The following INPP4B variants were observed in gnomAD, a reference collection of about 807,000 sequenced individuals.
INPP4B encodes inositol polyphosphate-4-phosphatase type II B, also known as inositol polyphosphate 4-phosphatase type II.
Under a neutral mutation model 122.5 loss-of-function variants are expected in INPP4B, and 55 were observed. The observed-to-expected ratio is 0.45, with a 90% CI of 0.36 to 0.56. The LOEUF (loss-of-function observed/expected upper bound fraction) is 0.56. Among genes scored for constraint, INPP4B ranks in the 20% least tolerant of loss-of-function variants. The pLI is 0.00. For missense variants in INPP4B, 1,000 were observed against 1,097.7 expected, an observed-to-expected ratio of 0.91 and a Z score of 1.26; for synonymous variants, 403 against 388.7, an observed-to-expected ratio of 1.04 and a Z score of -0.43.
intron 3 of INPP4B, among the ~76,000 whole-genome samples, chr4:142,447,155 T>TCA (rs1426449508): frequency 6.6e-6 from 1 of 152,086 alleles, no homozygotes; most frequent in African/African-American, 2.4e-5. Flanking sequence ...GAGCACTGGG[T>TCA]AAGGAAACAA....
intron 23 of INPP4B, among the ~76,000 whole-genome samples, chr4:142,088,594 A>G (rs370311513): frequency 2.6e-5 from 4 of 152,170 alleles, no homozygotes; most frequent in African/African-American, 9.6e-5. Context: ...ACTAGTTTAG[A>G]TATTAACAGT....
intron 2 of INPP4B, among the ~76,000 whole-genome samples, chr4:142,551,319 C>T (rs1195088175): frequency 6.6e-6 from 1 of 152,118 alleles, no homozygotes; most frequent in Non-Finnish European, 1.5e-5. Context: ...CAAAGGGAGC[C>T]TAAATACTAA....
chr4:142,597,860 C>T (rs1739044018), intron 2 of INPP4B, among the ~76,000 whole-genome samples: 1 of 152,130 alleles, frequency 6.6e-6, no homozygotes, highest in Admixed American at 6.5e-5. Flanking sequence ...AGTTTGAAAA[C>T]AAAACGTTCC....
chr4:142,552,708 C>T (rs1248431094), intron 2 of INPP4B, among the ~76,000 whole-genome samples: 1 of 152,202 alleles, frequency 6.6e-6, no homozygotes, highest in Non-Finnish European at 1.5e-5. Flanking sequence ...ATCTGCCAGA[C>T]ACTGCTGTAA....
chr4:142,497,848 C>T (rs958630152), intron 2 of INPP4B, among the ~76,000 whole-genome samples: 2 of 151,966 alleles, frequency 1.3e-5, no homozygotes, highest in African/African-American at 4.8e-5. Flanking sequence ...AAGGAGTCCA[C>T]CCTCTACACA....
intron 2 of INPP4B, among the ~76,000 whole-genome samples, chr4:142,683,758 G>A (rs990161388): frequency 5.3e-5 from 8 of 151,844 alleles, no homozygotes; most frequent in Non-Finnish European, 8.8e-5. Context: ...AATCACATGT[G>A]TAAACAAGCC....
chr4:142,626,767 A>G (rs1746518004), intron 2 of INPP4B, among the ~76,000 whole-genome samples: 1 of 152,036 alleles, frequency 6.6e-6, no homozygotes, highest in South Asian at 2.1e-4. Flanking sequence ...TCTACTTGAA[A>G]AATCCTAACT....
intron 2 of INPP4B, among the ~76,000 whole-genome samples, chr4:142,646,110 T>A (rs1262047477): frequency 6.6e-6 from 1 of 152,218 alleles, no homozygotes; most frequent in African/African-American, 2.4e-5. Flanking sequence ...CCTTGCTATA[T>A]TTTGTTTGTA....
chr4:142,611,642 T>A, intron 2 of INPP4B, among the ~76,000 whole-genome samples: 1 of 128,890 alleles, frequency 7.8e-6, no homozygotes, highest in Non-Finnish European at 1.7e-5. Flanking sequence ...TTTTTCTTTT[T>A]TTTTTTTTTT....
chr4:142,123,732 T>A (rs986944986), intron 19 of INPP4B, among the ~76,000 whole-genome samples: 6 of 152,010 alleles, frequency 3.9e-5, no homozygotes, highest in African/African-American at 1.2e-4. Context: ...AATCTTACTA[T>A]TTTTTGTACA....
At chr4:142,679,155 G>T (rs1474789133) in intron 2 of INPP4B, among the ~76,000 whole-genome samples, 1 of 151,870 alleles carries the variant, frequency 6.6e-6, no homozygotes, top group Non-Finnish European at 1.5e-5. Flanking sequence ...CTTACAGGAA[G>T]CACAGGAGGG....
At chr4:142,225,648 G>C (rs113235634) in intron 12 of INPP4B, among the ~76,000 whole-genome samples, 4,431 of 151,582 alleles carry the variant, frequency 0.029, 200 homozygotes, top group African/African-American at 0.1. Flanking sequence ...ATGCTAGAAA[G>C]ATCCTCCCAC....
At chr4:142,526,537 G>A (rs1826940389) in intron 2 of INPP4B, among the ~76,000 whole-genome samples, 1 of 152,082 alleles carries the variant, frequency 6.6e-6, no homozygotes, top group African/African-American at 2.4e-5. Flanking sequence ...AGGATCAATT[G>A]TATAGACATC....
intron 1 of INPP4B, among the ~76,000 whole-genome samples, chr4:142,733,587 GCAGA>G (rs1766402849): frequency 6.6e-6 from 1 of 151,978 alleles, no homozygotes; most frequent in African/African-American, 2.4e-5. Context: ...GTCACTATAA[GCAGA>G]CAAATGAGGC....
chr4:142,715,452 G>T (rs1763641391), intron 2 of INPP4B, among the ~76,000 whole-genome samples: 1 of 152,144 alleles, frequency 6.6e-6, no homozygotes, highest in East Asian at 1.9e-4. Flanking sequence ...TGTCAAGTTG[G>T]AATACCAGCT....
chr4:142,817,969 C>T (rs1039036707), intron 1 of INPP4B, among the ~76,000 whole-genome samples: 4 of 151,974 alleles, frequency 2.6e-5, no homozygotes, highest in Non-Finnish European at 5.9e-5. Context: ...ATAAATGGCC[C>T]ACTTTCTAGA....
chr4:142,845,367 C>A (rs1784058229), intron 1 of INPP4B, among the ~76,000 whole-genome samples: 1 of 152,166 alleles, frequency 6.6e-6, no homozygotes, highest in Non-Finnish European at 1.5e-5. Context: ...CATTCAGGAA[C>A]CAGGCTCCCA....
chr4:142,572,519 A>T (rs1351156918), intron 2 of INPP4B, among the ~76,000 whole-genome samples: 1 of 152,150 alleles, frequency 6.6e-6, no homozygotes, highest in African/African-American at 2.4e-5. Context: ...CAAATCAGTG[A>T]GAAATTTGCA....
chr4:142,741,005 TAAAGG>T (rs1024010340), intron 1 of INPP4B, among the ~76,000 whole-genome samples: 2 of 151,990 alleles, frequency 1.3e-5, no homozygotes, highest in African/African-American at 4.8e-5. Flanking sequence ...TAAGCCTTTA[TAAAGG>T]AAAGTCCAAA....
Sources: gnomAD v4.1 joint callset for allele counts (sites outside exome capture counted in the v4.1 genomes callset) on GRCh38, gnomAD v4.1.1 for gene constraint, MANE v1.5 for transcripts, NCBI Gene and HGNC (gene_info 2026-07-23, HGNC 2026-07-21) for gene names.